The following ZNF470 variants were observed in gnomAD, a reference collection of about 807,000 sequenced individuals.
The protein encoded by ZNF470 is zinc finger protein 470.
Under a neutral mutation model 13.9 loss-of-function variants are expected in ZNF470, and 13 were observed. The observed-to-expected ratio is 0.94, with a 90% CI of 0.61 to 1.49. ZNF470 has a LOEUF of 1.49. ZNF470 is among the 40% of genes most tolerant of loss of function. The pLI, the probability that ZNF470 is intolerant of heterozygous loss-of-function variation, is 0.00. For missense variants in ZNF470, 929 were observed against 857.3 expected (o/e 1.08, Z -1.04); for synonymous variants, 293 against 282.9 (o/e 1.04, Z -0.36).
In ZNF470 at chr19:56,579,526, G is replaced by A; in HGVS notation, c.*943G>A. The A allele has an allele frequency of 1.0e-6, 1 of 985,354 alleles. No individual in the cohort carries two copies. The highest frequency in any genetic ancestry group is 1.2e-6 in the Non-Finnish European group (1 of 829,918). The allele number at this position is 985,354 out of a possible 1,614,324, so 61.0% of individuals were successfully genotyped here. A position where few individuals can be genotyped will look rare whatever the true frequency, so the allele number is the denominator to read the frequency against. Reference sequence around the variant, plus strand: ...CCAAAAAAACTTGAATAGATTAATAGCCATGAAACACTGAAAAGGGTAGTT... The same window carrying A: ...CCAAAAAAACTTGAATAGATTAATAACCATGAAACACTGAAAAGGGTAGTT... On this transcript the variant is annotated 3_prime_UTR_variant, in exon 6 of 6. Transcript: ENST00000330619.
chr19:56,569,865 C>T lies in ZNF470; in HGVS notation c.-32-415C>T, dbSNP rs145857916. ...ACTAGCTGGGCATGGTGGCACATGCCTGTAATCTTAGCTACTTAGGAGGCC... is the reference window on the plus strand; with the variant it reads ...ACTAGCTGGGCATGGTGGCACATGCTTGTAATCTTAGCTACTTAGGAGGCC... On this transcript the variant is annotated intron_variant, in intron 2 of 5. Coordinates refer to ENST00000330619, the MANE Select transcript of ZNF470 (RefSeq NM_001001668.4). Among the ~76,000 whole-genome samples, 479 of 152,188 alleles carry T rather than the reference C, an allele frequency of 3.1e-3. 5 individuals are homozygous for T. The highest frequency in any genetic ancestry group is 0.011 in the African/African-American group (454 of 41,524).
Position 56,581,371 on chromosome 19 carries a change from T to C in ZNF470, c.*2788T>C, listed in dbSNP as rs2044534401. On this transcript the variant is annotated 3_prime_UTR_variant, in exon 6 of 6. Coordinates refer to ENST00000330619, the MANE Select transcript of ZNF470 (RefSeq NM_001001668.4). ...AATGTGTGGAAACAAGGGAATTCCA[T>C]TGTTGATTACATATCTATTGCTTTA... 1.2e-5 allele frequency: 11 copies of C among 955,832 alleles called. No individual in the cohort carries two copies. In the South Asian group the frequency reaches 5.3e-4, roughly 46 times the overall value. 59.2% of individuals were successfully genotyped at this position (955,832 alleles called of 1,614,324 possible). A position where few individuals can be genotyped will look rare whatever the true frequency, so the allele number is the denominator to read the frequency against.
At position 56,581,472 on chromosome 19, in the gene ZNF470, AAT is replaced by A. The variant is rs1222772207; in HGVS notation, c.*2890_*2891del. 1.1e-6 allele frequency: 1 copy of A among 932,698 alleles called. No individual in the cohort carries two copies. Among genetic ancestry groups the A allele is most frequent in the Non-Finnish European group, 1.3e-6 (1 of 782,064 alleles). The allele number at this position is 932,698 out of a possible 1,614,324, so 57.8% of individuals were successfully genotyped here. A position where few individuals can be genotyped will look rare whatever the true frequency, so the allele number is the denominator to read the frequency against. On this transcript the variant is annotated 3_prime_UTR_variant, in exon 6 of 6. Coordinates refer to ENST00000330619, the MANE Select transcript of ZNF470 (RefSeq NM_001001668.4). ...TAGATAAATGTATTAGTGGCAAAAAAATTAATGGTAAACTATTAAAACAACAA... is the reference window on the plus strand; with the variant it reads ...TAGATAAATGTATTAGTGGCAAAAAATAATGGTAAACTATTAAAACAACAA...
Position 56,582,647 on chromosome 19 carries a change from AG to A in ZNF470, c.*4066del, listed in dbSNP as rs2044543377. The stretch of plus-strand genomic sequence containing the variant: ...TGGACATAAGGCCTTTAAGAAACTA[AG>A]GTTAAGTTAGGCCATAAGAGTGAGG... On this transcript the variant is annotated 3_prime_UTR_variant, in exon 6 of 6. Transcript: ENST00000330619. The A allele has an allele frequency of 1.1e-6, 1 of 876,580 alleles. No individual in the cohort carries two copies. Among genetic ancestry groups the A allele is most frequent in the African/African-American group, 1.8e-5 (1 of 55,024 alleles). The allele number at this position is 876,580 out of a possible 1,614,324, so 54.3% of individuals were successfully genotyped here.
chr19:56,570,404 T>C (rs2044443844), intron 3 of ZNF470, 33 bp downstream of exon 3: 1 of 1,608,082 alleles, frequency 6.2e-7, no homozygotes, highest in Non-Finnish European at 8.5e-7. Flanking sequence ...CCCACTAAAA[T>C]AGTTTTGCTT....
chr19:56,576,843 C>A lies in ZNF470; in HGVS notation c.414C>A (p.Asn138Lys), dbSNP rs774533936. 5 of 1,590,962 alleles carry A rather than the reference C, an allele frequency of 3.1e-6. No homozygotes were observed. In the South Asian group the frequency reaches 5.8e-5, roughly 18 times the overall value. ...YDLECSTLGKNWKCEDLFERE... is the reference protein window; with the variant it reads ...YDLECSTLGKKWKCEDLFERE... ...TTGAATGTTCAACATTAGGGAAAAA[C>A]TGGAAATGTGAAGACTTGTTTGAGA... is the stretch of plus-strand genomic sequence containing the variant. The change falls in exon 6 of 6, where the codon AAC becomes AAA. Residue 138 changes from asparagine to lysine, a missense_variant. Coordinates refer to ENST00000330619, the MANE Select transcript of ZNF470 (RefSeq NM_001001668.4).
intron 3 of ZNF470, among the ~76,000 whole-genome samples, chr19:56,572,223 A>G (rs2044456712): frequency 6.8e-6 from 1 of 146,682 alleles, no homozygotes; most frequent in African/African-American, 2.6e-5. Flanking sequence ...TAGCAGGCAG[A>G]CTGGACACAG....
chr19:56,579,704 T>G lies in ZNF470; in HGVS notation c.*1121T>G. ...AAAAATATGTACACTGCAATTAGTT[T>G]CTGAATGTAGATGTTACAACTTAAA... On this transcript the variant is annotated 3_prime_UTR_variant, in exon 6 of 6. Coordinates refer to ENST00000330619, the MANE Select transcript of ZNF470 (RefSeq NM_001001668.4). The G allele has an allele frequency of 4.1e-6, 4 of 985,062 alleles. No individual in the cohort carries two copies. Among genetic ancestry groups the G allele is most frequent in the Non-Finnish European group, 4.8e-6 (4 of 829,588 alleles). The allele number at this position is 985,062 out of a possible 1,614,324, so 61.0% of individuals were successfully genotyped here. A position where few individuals can be genotyped will look rare whatever the true frequency, so the allele number is the denominator to read the frequency against.
Position 56,578,696 on chromosome 19 carries a change from T to C in ZNF470, c.*113T>C, listed in dbSNP as rs111481758. The C allele has an allele frequency of 7.6e-7, 1 of 1,314,632 alleles. No individual in the cohort carries two copies. The highest frequency in any genetic ancestry group is 1.5e-5 in the African/African-American group (1 of 68,250). The allele number at this position is 1,314,632 out of a possible 1,614,324, so 81.4% of individuals were successfully genotyped here. The stretch of plus-strand genomic sequence containing the variant: ...TGGATTTCTGCAGTAGCATAACTGT[T>C]GCCCCTTTTGCTTCTATCAACTACA... On this transcript the variant is annotated 3_prime_UTR_variant, in exon 6 of 6. Coordinates refer to ENST00000330619, the MANE Select transcript of ZNF470 (RefSeq NM_001001668.4).
intron 3 of ZNF470, chr19:56,574,168 T>G: frequency 1.4e-6 from 1 of 731,118 alleles, no homozygotes; most frequent in Non-Finnish European, 2.2e-6. Context: ...TGCAAATGTT[T>G]GAAGAGCAAG....
rs1251084115 is a variant in ZNF470, at chr19:56,578,080, C to G, written c.1651C>G (p.His551Asp). ...ECGKAFSQIA[H>D]LVQHQRVHTG... ...TGGTAAGGCCTTCAGTCAGATTGCA[C>G]ACCTTGTTCAGCACCAGAGAGTTCA... Residue 551 changes from histidine (H) to aspartate (D), a missense_variant, in exon 6 of 6, where the codon CAC becomes GAC. His to Asp is a moderately conservative substitution (Grantham distance 81). Transcript: ENST00000330619. 11 of 1,613,866 alleles carry G rather than the reference C, an allele frequency of 6.8e-6. No individual in the cohort carries two copies. The highest frequency in any genetic ancestry group is 9.3e-6 in the Non-Finnish European group (11 of 1,179,920).
At chr19:56,574,606 T>A in intron 4 of ZNF470, 32 bp from the exon 5 acceptor site, 3 of 1,612,370 alleles carry the variant, frequency 1.9e-6, no homozygotes, top group Non-Finnish European at 2.5e-6. Flanking sequence ...TTCCACAGCA[T>A]AGGCAATTTT....
Position 56,574,468 on chromosome 19 carries a change from A to C in ZNF470, c.135A>C (p.Arg45Ser), listed in dbSNP as rs765969337. ...DEWEWLNLAQ[R>S]SLYKKVMLEN... ...GGGAGTGGCTGAATCTTGCTCAGAG[A>C]AGTTTGTACAAGAAGGTGATGTTAG... The change falls in exon 4 of 6, where the codon AGA becomes AGC. Residue 45 changes from arginine (R) to serine (S), a missense_variant. Physicochemically the swap from Arg to Ser is moderately radical, Grantham distance 110. Transcript: ENST00000330619. 6.2e-7 allele frequency: 1 copy of C among 1,613,798 alleles called. No individual in the cohort carries two copies. Among genetic ancestry groups the C allele is most frequent in the Non-Finnish European group, 8.5e-7 (1 of 1,179,812 alleles).
chr19:56,574,766 G>A, intron 5 of ZNF470, 33 bp downstream of exon 5: 1 of 1,569,096 alleles, frequency 6.4e-7, no homozygotes, highest in Non-Finnish European at 8.7e-7. Context: ...TAAAGGAACT[G>A]TTCTCAACAT....
In ZNF470 at chr19:56,577,771, A is replaced by T. The variant is rs941307988; in HGVS notation, c.1342A>T (p.Thr448Ser). ...TCTGACAGTACATCAGAGAATTCATACAGGAGAGAAACCTTATGAATGCAA... is the reference window on the plus strand; with the variant it reads ...TCTGACAGTACATCAGAGAATTCATTCAGGAGAGAAACCTTATGAATGCAA... ...SSLTVHQRIHTGEKPYECNIC... is the reference protein window; with the variant it reads ...SSLTVHQRIHSGEKPYECNIC... The change falls in exon 6 of 6, where the codon ACA becomes TCA. Residue 448 changes from threonine to serine, a missense_variant. Transcript: ENST00000330619. 6.2e-6 allele frequency: 10 copies of T among 1,613,896 alleles called. No individual in the cohort carries two copies. In the Admixed American group the frequency reaches 1.5e-4, roughly 24 times the overall value.
chr19:56,569,705 A>G (rs934528065), intron 2 of ZNF470, among the ~76,000 whole-genome samples: 4 of 152,172 alleles, frequency 2.6e-5, no homozygotes, highest in African/African-American at 9.6e-5. Flanking sequence ...TGGGAAGCCA[A>G]GGCAGGAGGA....
In ZNF470 at chr19:56,578,479, A is replaced by G; in HGVS notation, c.2050A>G (p.Lys684Glu). ...GCCCTATGAGTGTAAAGAATGTGGA[A>G]AAGCCTTCAGGCAGAGTGTACATCT... is the stretch of plus-strand genomic sequence containing the variant. Reference protein sequence around the residue: ...ERPYECKECGKAFRQSVHLAH... With the variant: ...ERPYECKECGEAFRQSVHLAH... The change falls in exon 6 of 6, where the codon AAA (lysine) becomes GAA (glutamate). Residue 684 changes from lysine (K) to glutamate (E), a missense_variant. Transcript: ENST00000330619. 1 of 1,612,452 alleles carries G rather than the reference A, an allele frequency of 6.2e-7. No homozygotes were observed. Among genetic ancestry groups the G allele is most frequent in the Non-Finnish European group, 8.5e-7 (1 of 1,179,158 alleles).
chr19:56,580,825 A>G lies in ZNF470; in HGVS notation c.*2242A>G. Reference sequence around the variant, plus strand: ...AGCTTTCAGACTCTCCTTATATATGATAAAAAGGATTTTTCATTGTAGTGG... The same window carrying G: ...AGCTTTCAGACTCTCCTTATATATGGTAAAAAGGATTTTTCATTGTAGTGG... On this transcript the variant is annotated 3_prime_UTR_variant, in exon 6 of 6. Transcript: ENST00000330619. 1.0e-6 allele frequency: 1 copy of G among 984,722 alleles called. No individual in the cohort carries two copies. Among genetic ancestry groups the G allele is most frequent in the Non-Finnish European group, 1.2e-6 (1 of 829,318 alleles). The allele number at this position is 984,722 out of a possible 1,614,324, so 61.0% of individuals were successfully genotyped here.
intron 3 of ZNF470, among the ~76,000 whole-genome samples, chr19:56,572,390 A>AC (rs2044461327): frequency 3.0e-5 from 3 of 101,578 alleles, no homozygotes; most frequent in African/African-American, 1.4e-4. Context: ...ATATATATAT[A>AC]AATTAGCCAG....
Sources: allele counts gnomAD v4.1 joint callset (sites outside exome capture counted in the v4.1 genomes callset), GRCh38; gene constraint gnomAD v4.1.1; transcripts MANE v1.5; gene names NCBI Gene and HGNC (gene_info 2026-07-23, HGNC 2026-07-21).